The following LRMDA variants were observed in gnomAD, a reference collection of about 807,000 sequenced individuals.
The protein encoded by LRMDA is leucine-rich melanocyte differentiation-associated protein.
A neutral mutation model predicts 29.8 loss-of-function variants in LRMDA; 18 were observed. The observed-to-expected ratio is 0.60, with a 90% confidence interval of 0.42 to 0.90. The LOEUF is 0.90. Among genes scored for constraint, LRMDA ranks in the 40% least tolerant of loss-of-function variants. The pLI, the probability that LRMDA is intolerant of heterozygous loss-of-function variation, is 0.00. For synonymous variants in LRMDA, 125 were observed against 109.4 expected (o/e 1.14, Z -0.89); for missense variants, 273 against 273.9 (o/e 1.00, Z 0.02).
In LRMDA at chr10:75,874,672, G is replaced by A. The variant is rs144162551; in HGVS notation, c.132-161336G>A. Among the ~76,000 whole-genome samples the A allele has an allele frequency of 2.7e-3, 410 of 152,270 alleles. No homozygotes were observed. The Middle Eastern group carries it at 0.034, about 13-fold the overall frequency. On this transcript the variant is annotated intron_variant, in intron 2 of 6. Coordinates refer to ENST00000611255, the MANE Select transcript of LRMDA (RefSeq NM_001305581.2). ...TATTATGGCTCCATAGTGTAGTGAT[G>A]TTTCTACAATACTATGCTGTAAACT...
intron 5 of LRMDA, among the ~76,000 whole-genome samples, chr10:76,281,202 G>A (rs1447625278): frequency 1.3e-5 from 2 of 152,134 alleles, no homozygotes; most frequent in Admixed American, 6.5e-5. Context: ...AAGCCAAGGA[G>A]GTCATCTTGG....
intron 2 of LRMDA, among the ~76,000 whole-genome samples, chr10:75,566,566 T>C (rs764373733): frequency 1.3e-5 from 2 of 152,164 alleles, no homozygotes; most frequent in African/African-American, 4.8e-5. Context: ...AATTTCTCTC[T>C]TTGCCTTCTC....
chr10:75,863,676 T>G (rs1844971623), intron 2 of LRMDA, among the ~76,000 whole-genome samples: 1 of 152,226 alleles, frequency 6.6e-6, no homozygotes, highest in Admixed American at 6.5e-5. Context: ...CTTAGAATGC[T>G]GGACACTGGA....
At chr10:75,735,897 A>T (rs765640446) in intron 2 of LRMDA, among the ~76,000 whole-genome samples, 2 of 152,052 alleles carry the variant, frequency 1.3e-5, no homozygotes, top group African/African-American at 2.4e-5. Context: ...TTACTTATAA[A>T]TTTTTTTTAC....
In LRMDA at chr10:76,128,994, A is replaced by T. The variant is rs552899390; in HGVS notation, c.516+70211A>T. 1.1e-4 allele frequency among the ~76,000 whole-genome samples: 16 copies of T among 152,344 alleles called. No individual in the cohort carries two copies. In the South Asian group the frequency reaches 3.3e-3, roughly 32 times the overall value. Reference sequence around the variant, plus strand: ...GTAAAATAAACCCTCTGTTGCACATATGAAAGTGATAAATAATTTAAATAC... The same window carrying T: ...GTAAAATAAACCCTCTGTTGCACATTTGAAAGTGATAAATAATTTAAATAC... On this transcript the variant is annotated intron_variant, in intron 5 of 6. Coordinates refer to ENST00000611255, the MANE Select transcript of LRMDA (RefSeq NM_001305581.2).
At chr10:76,215,131 A>C (rs1564688547) in intron 5 of LRMDA, among the ~76,000 whole-genome samples, 1 of 152,224 alleles carries the variant, frequency 6.6e-6, no homozygotes, top group South Asian at 2.1e-4. Flanking sequence ...GGGGGATGTC[A>C]GCAGGACTCA....
intron 2 of LRMDA, among the ~76,000 whole-genome samples, chr10:76,025,103 G>A (rs576250209): frequency 6.4e-4 from 98 of 152,090 alleles, no homozygotes; most frequent in African/African-American, 2.2e-3. Flanking sequence ...GGCTCCATGC[G>A]TGCATGTGTG....
intron 2 of LRMDA, among the ~76,000 whole-genome samples, chr10:75,932,914 G>T (rs996254069): frequency 3.9e-5 from 6 of 152,158 alleles, no homozygotes; most frequent in Non-Finnish European, 8.8e-5. Flanking sequence ...AACCAAAAAT[G>T]CTGTATATGA....
intron 2 of LRMDA, among the ~76,000 whole-genome samples, chr10:75,969,889 A>G (rs1846934253): frequency 6.6e-6 from 1 of 152,202 alleles, no homozygotes; most frequent in African/African-American, 2.4e-5. Context: ...CTTTGCTCCA[A>G]TGCTGATATC....
chr10:76,491,848 G>T (rs1286461207), intron 6 of LRMDA, among the ~76,000 whole-genome samples: 13 of 151,750 alleles, frequency 8.6e-5, no homozygotes. Context: ...AGATTTTATA[G>T]GTGTGCTTCA....
chr10:76,165,086 C>T (rs1194214306), intron 5 of LRMDA, among the ~76,000 whole-genome samples: 2 of 152,230 alleles, frequency 1.3e-5, no homozygotes, highest in African/African-American at 2.4e-5. Flanking sequence ...AATTCTCCTG[C>T]CTCAGTTTCC....
At chr10:75,517,819 A>G (rs1446551873) in intron 2 of LRMDA, among the ~76,000 whole-genome samples, 1 of 152,192 alleles carries the variant, frequency 6.6e-6, no homozygotes, top group Non-Finnish European at 1.5e-5. Flanking sequence ...CCCATTCAGT[A>G]TGATACTGGC....
intron 2 of LRMDA, among the ~76,000 whole-genome samples, chr10:75,807,629 T>C (rs1048985786): frequency 3.3e-5 from 5 of 152,208 alleles, no homozygotes; most frequent in African/African-American, 4.8e-5. Flanking sequence ...TTCATTCAGC[T>C]TGACGAACAG....
At chr10:76,372,998 G>C (rs200943265) in intron 6 of LRMDA, among the ~76,000 whole-genome samples, 1 of 152,160 alleles carries the variant, frequency 6.6e-6, no homozygotes, top group Non-Finnish European at 1.5e-5. Flanking sequence ...AAGATTTCCA[G>C]CTCTTCAGGT....
At chr10:76,340,397 T>G (rs1366451597) in intron 6 of LRMDA, among the ~76,000 whole-genome samples, 1 of 150,844 alleles carries the variant, frequency 6.6e-6, no homozygotes, top group Non-Finnish European at 1.5e-5. Context: ...ATGCCTGTAG[T>G]CCCAGCTACT....
intron 2 of LRMDA, among the ~76,000 whole-genome samples, chr10:75,880,560 A>T (rs1447034145): frequency 2.6e-5 from 4 of 152,300 alleles, no homozygotes; most frequent in Non-Finnish European, 5.9e-5. Flanking sequence ...AAGTTCTGGC[A>T]AGCTAATTCA....
intron 5 of LRMDA, among the ~76,000 whole-genome samples, chr10:76,158,505 T>C (rs902182797): frequency 6.6e-6 from 1 of 151,654 alleles, no homozygotes; most frequent in African/African-American, 2.4e-5. Context: ...GAAAGCTCAG[T>C]CTTATGAAAT....
chr10:76,320,018 T>C (rs1840750884), intron 5 of LRMDA, among the ~76,000 whole-genome samples: 1 of 152,214 alleles, frequency 6.6e-6, no homozygotes, highest in Non-Finnish European at 1.5e-5. Flanking sequence ...CATTCAGAGA[T>C]ATCCACCGGA....
intron 2 of LRMDA, among the ~76,000 whole-genome samples, chr10:75,556,182 A>G (rs1390169083): frequency 6.6e-6 from 1 of 152,206 alleles, no homozygotes; most frequent in East Asian, 1.9e-4. Flanking sequence ...AAGCAGGATT[A>G]ATTTAATGAA....
Sources: gnomAD v4.1 joint callset for allele counts (sites outside exome capture counted in the v4.1 genomes callset) on GRCh38, gnomAD v4.1.1 for gene constraint, MANE v1.5 for transcripts, NCBI Gene and HGNC (gene_info 2026-07-23, HGNC 2026-07-21) for gene names.